NEURL4: variants seen among roughly 807,000 people sequenced by gnomAD.
The protein encoded by NEURL4 is neuralized E3 ubiquitin protein ligase 4, also known as neuralized-like protein 4.
Under a neutral mutation model 148.0 loss-of-function variants are expected in NEURL4, and 45 were observed. The observed-to-expected ratio is 0.30, with a 90% CI of 0.24 to 0.39. The LOEUF is 0.39. Among genes scored for constraint, NEURL4 ranks in the 10% least tolerant of loss-of-function variants. The pLI is 1.00. For synonymous variants in NEURL4, 854 were observed against 869.0 expected, an observed-to-expected ratio of 0.98 and a Z score of 0.30; for missense variants, 1,776 against 2,144.0, an observed-to-expected ratio of 0.83 and a Z score of 3.39.
rs935993709 is a variant in NEURL4 at position 7,316,003 on chromosome 17, G to A, written c.*120C>T. The A allele has an allele frequency of 5.7e-5, 40 of 698,812 alleles. No homozygotes were observed. The highest frequency in any genetic ancestry group is 9.0e-5 in the Non-Finnish European group (34 of 379,350). The allele number at this position is 698,812 out of a possible 1,614,324, so 43.3% of individuals were successfully genotyped here. A position where few individuals can be genotyped will look rare whatever the true frequency, so the allele number is the denominator to read the frequency against. On this transcript the variant is annotated 3_prime_UTR_variant, in exon 29 of 29. Coordinates refer to ENST00000399464, the MANE Select transcript of NEURL4 (RefSeq NM_032442.3). ...AGAGCCTGCCTACATGCTCCTGCGC[G>A]GCTGCCAAGCTCCAGCACCTGCGCA... is the stretch of plus-strand genomic sequence containing the variant.
At position 7,324,279 on chromosome 17, in the gene NEURL4, A is replaced by G; in HGVS notation, c.1900-9T>C. 1.9e-6 allele frequency: 3 copies of G among 1,613,820 alleles called. No individual in the cohort carries two copies. The South Asian group carries it at 3.3e-5, about 18-fold the overall frequency. ...CCCACCGTGTCCCCTGCCTTGGAAG[A>G]AGGGGGTGCTGGAGTGAGGAGTCAG... On this transcript the variant is annotated splice_polypyrimidine_tract_variant and intron_variant, in intron 10 of 28. Coordinates refer to ENST00000399464, the MANE Select transcript of NEURL4 (RefSeq NM_032442.3). This position sits in a 1 kb window ranked among gnomAD's most constrained non-coding sequence, Gnocchi z 5.9.
Position 7,317,343 on chromosome 17 carries a change from G to A in NEURL4, c.4346C>T (p.Pro1449Leu). The A allele has an allele frequency of 1.3e-6, 2 of 1,553,008 alleles. No homozygotes were observed. The highest frequency in any genetic ancestry group is 2.3e-5 in the East Asian group (1 of 44,328). The change falls in exon 28 of 29, where the codon CCT becomes CTT. Residue 1449 changes from proline (P) to leucine (L), a missense_variant. Transcript: ENST00000399464. ...AGTASILSCR[P>L]LKGEPGVGFE... is the part of the protein sequence containing the mutation. ...CCCTACCCCAGGTTCTCCCTTCAAAGGACGGCAGCTCAGGATGGAGGCAGT... is the reference window on the plus strand; with the variant it reads ...CCCTACCCCAGGTTCTCCCTTCAAAAGACGGCAGCTCAGGATGGAGGCAGT...
Position 7,321,335 on chromosome 17 carries a change from G to C in NEURL4, c.3198+26C>G, listed in dbSNP as rs1231848036. ...GCAGAAGACCTCAACCATCCTCCCA[G>C]AACCCAAGGAAGCGTTCAGGTCTAC... On this transcript the variant is annotated intron_variant, in intron 19 of 28. Coordinates refer to ENST00000399464, the MANE Select transcript of NEURL4 (RefSeq NM_032442.3). This position sits in a 1 kb window ranked among gnomAD's most constrained non-coding sequence, Gnocchi z 6.3. The C allele has an allele frequency of 1.2e-6, 2 of 1,613,720 alleles. No homozygotes were observed. The highest frequency in any genetic ancestry group is 2.7e-5 in the African/African-American group (2 of 74,858).
chr17:7,321,596 C>T lies in NEURL4; in HGVS notation c.3063G>A (p.Gln1021=). ...CTAGGTTCCGGCCATAGTTCATCCTCTGGAGCTGCCCATCACGCCTCACTT... is the reference window on the plus strand; with the variant it reads ...CTAGGTTCCGGCCATAGTTCATCCTTTGGAGCTGCCCATCACGCCTCACTT... The part of the protein sequence containing the change: ...SCEVRRDGQL[Q]RMNYGRNLER... Residue 1021 remains glutamine (Q), a synonymous_variant, in exon 18 of 29, where the codon CAG becomes CAA. Coordinates refer to ENST00000399464, the MANE Select transcript of NEURL4 (RefSeq NM_032442.3). This position sits in a 1 kb window ranked among gnomAD's most constrained non-coding sequence, Gnocchi z 6.3. 1 of 1,614,144 alleles carries T rather than the reference C, an allele frequency of 6.2e-7. No individual in the cohort carries two copies. Among genetic ancestry groups the T allele is most frequent in the Non-Finnish European group, 8.5e-7 (1 of 1,180,028 alleles).
Position 7,316,048 on chromosome 17 carries a change from G to A in NEURL4, c.*75C>T. 1 of 829,950 alleles carries A rather than the reference G, an allele frequency of 1.2e-6. No homozygotes were observed. The highest frequency in any genetic ancestry group is 2.1e-6 in the Non-Finnish European group (1 of 469,084). The allele number at this position is 829,950 out of a possible 1,614,324, so 51.4% of individuals were successfully genotyped here. ...TGCGCATGCCACGAGTCACGGGAATGAGGTGGAGGCAGTCGCCACTCAGAG... is the reference window on the plus strand; with the variant it reads ...TGCGCATGCCACGAGTCACGGGAATAAGGTGGAGGCAGTCGCCACTCAGAG... On this transcript the variant is annotated 3_prime_UTR_variant, in exon 29 of 29. Transcript: ENST00000399464.
intron 21 of NEURL4, 114 bp from the exon 22 acceptor site, chr17:7,319,322 TTTC>T: frequency 2.7e-6 from 2 of 742,668 alleles, no homozygotes; most frequent in Non-Finnish European, 4.1e-6. Flanking sequence ...GATGCTGCCT[TTTC>T]TTATGCTTGG....
In NEURL4 at chr17:7,316,121, C is replaced by T. The variant is rs1029236155; in HGVS notation, c.*2G>A. On this transcript the variant is annotated 3_prime_UTR_variant, in exon 29 of 29. Coordinates refer to ENST00000399464, the MANE Select transcript of NEURL4 (RefSeq NM_032442.3). ...GTGCTTGTAGTAGTGGTGTCTCACC[C>T]CTCATTCCACCCGTACCAGCAGGGC... 1.4e-6 allele frequency: 2 copies of T among 1,453,570 alleles called. No homozygotes were observed. The highest frequency in any genetic ancestry group is 1.9e-6 in the Non-Finnish European group (2 of 1,033,418). The allele number at this position is 1,453,570 out of a possible 1,614,324, so 90.0% of individuals were successfully genotyped here.
At position 7,327,743 on chromosome 17, in the gene NEURL4, C is replaced by T. The variant is rs1352561521; in HGVS notation, c.424G>A (p.Val142Met). The T allele has an allele frequency of 1.9e-6, 3 of 1,614,152 alleles. No homozygotes were observed. The highest frequency in any genetic ancestry group is 2.5e-6 in the Non-Finnish European group (3 of 1,180,052). Residue 142 changes from valine to methionine, a missense_variant, in exon 2 of 29, where the codon GTG (valine) becomes ATG (methionine). Coordinates refer to ENST00000399464, the MANE Select transcript of NEURL4 (RefSeq NM_032442.3). The surrounding 1 kb of genome is among the most constrained non-coding windows in gnomAD (Gnocchi z 6.6). ...GCSVLRDGRS[V>M]LEEYGQDLDQ... is the part of the protein sequence containing the mutation. ...AGGTCCTGACCATACTCCTCCAACA[C>T]AGAGCGTCCATCTCTCAGCACAGAG...
At chr17:7,316,507 T>G (rs1242567237) in intron 28 of NEURL4, among the ~76,000 whole-genome samples, 180 bp from the exon 29 acceptor site, 1 of 152,252 alleles carries the variant, frequency 6.6e-6, no homozygotes, top group African/African-American at 2.4e-5. Flanking sequence ...AGCTACACCC[T>G]TCACTTCCTT....
intron 25 of NEURL4, 23 bp from the exon 26 acceptor site, chr17:7,317,955 C>G: frequency 1.2e-6 from 2 of 1,613,964 alleles, no homozygotes; most frequent in South Asian, 1.1e-5. Flanking sequence ...GAGTAGCAGG[C>G]TTGGTGCTGT....
chr17:7,321,000 T>C (rs3809811), intron 20 of NEURL4, 77 bp from the exon 21 acceptor site: 868,259 of 1,594,468 alleles, frequency 0.54, 239,155 homozygotes, highest in East Asian at 0.67. Flanking sequence ...TTTGCACAGA[T>C]CCTGAGTGTG....
At chr17:7,316,493 G>T (rs1418859477) in intron 28 of NEURL4, among the ~76,000 whole-genome samples, 166 bp from the exon 29 acceptor site, 1 of 152,148 alleles carries the variant, frequency 6.6e-6, no homozygotes, top group Non-Finnish European at 1.5e-5. Flanking sequence ...CCCAAAGCCT[G>T]CTCAGCTACA....
Position 7,324,178 on chromosome 17 carries a change from C to T in NEURL4, c.1992G>A (p.Val664=). Residue 664 remains valine (V), a synonymous_variant, in exon 11 of 29, where the codon GTG becomes GTA. Transcript: ENST00000399464. The surrounding 1 kb of genome is among the most constrained non-coding windows in gnomAD (Gnocchi z 5.9). Reference sequence around the variant, plus strand: ...CGACGACAGCATAGACGCCCGGGGGCACGTTCCAGGCAGCAGGGCCCTGAG... The same window carrying T: ...CGACGACAGCATAGACGCCCGGGGGTACGTTCCAGGCAGCAGGGCCCTGAG... ...GMTQGPAAWN[V]PPGVYAVVDL... 6.2e-7 allele frequency: 1 copy of T among 1,613,772 alleles called. No individual in the cohort carries two copies. The highest frequency in any genetic ancestry group is 8.5e-7 in the Non-Finnish European group (1 of 1,180,018).
rs199811030 is a variant in NEURL4 at position 7,318,140 on chromosome 17, G to T, written c.3985C>A (p.Pro1329Thr). The part of the protein sequence containing the change: ...IKESVCWGPP[P>T]AASPLKSCEY... Reference sequence around the variant, plus strand: ...CAGCTCTTTAGAGGACTAGCGGCAGGTGGTGGACCCCAGCACACACTCTCT... The same window carrying T: ...CAGCTCTTTAGAGGACTAGCGGCAGTTGGTGGACCCCAGCACACACTCTCT... Residue 1329 changes from proline (P) to threonine (T), a missense_variant, in exon 25 of 29, where the codon CCT becomes ACT. By Grantham distance (38) the Pro-to-Thr change is conservative (BLOSUM62 -1). Coordinates refer to ENST00000399464, the MANE Select transcript of NEURL4 (RefSeq NM_032442.3). This position sits in a 1 kb window ranked among gnomAD's most constrained non-coding sequence, Gnocchi z 4.3. The T allele has an allele frequency of 4.7e-4, 762 of 1,614,164 alleles. 4 individuals carry two copies. The African/African-American group carries it at 9.4e-3, about 20-fold the overall frequency.
chr17:7,323,811 G>A lies in NEURL4; in HGVS notation c.2261+3C>T, dbSNP rs777680424. Reference sequence around the variant, plus strand: ...GTGGGGACATGAAAGTTGAGAGACTGACCGGTTGGAGATGACGATGGCGTC... The same window carrying A: ...GTGGGGACATGAAAGTTGAGAGACTAACCGGTTGGAGATGACGATGGCGTC... On this transcript the variant is annotated splice_donor_region_variant and intron_variant, in intron 12 of 28. Coordinates refer to ENST00000399464, the MANE Select transcript of NEURL4 (RefSeq NM_032442.3). The A allele has an allele frequency of 6.2e-7, 1 of 1,614,134 alleles. No individual in the cohort carries two copies.
rs1383288411 is a variant in NEURL4 at position 7,329,087 on chromosome 17, A to T, written c.226T>A (p.Leu76Met). The T allele has an allele frequency of 1.9e-6, 3 of 1,609,544 alleles. No individual in the cohort carries two copies. The highest frequency in any genetic ancestry group is 2.7e-5 in the African/African-American group (2 of 74,776). ...PGQEFNHGLV[L>M]SREPLRDGRV... ...CCATCGCGCAAGGGTTCTCGGCTCA[A>T]CACCAGCCCGTGGTTAAACTCCTGG... is the stretch of plus-strand genomic sequence containing the variant. Residue 76 changes from leucine to methionine, a missense_variant, in exon 1 of 29, where the codon TTG (leucine) becomes ATG (methionine). Transcript: ENST00000399464.
chr17:7,325,144 T>TTGGGGGGGGGGGGGGG, intron 8 of NEURL4, 65 bp downstream of exon 8: 64 of 956,420 alleles, frequency 6.7e-5, no homozygotes, highest in Middle Eastern at 3.3e-4. Flanking sequence ...TCCACTTCCT[T>TTGGGGGGGGGGGGGGG]GCCCCGCCCC....
At chr17:7,317,688 A>AG in intron 26 of NEURL4, 100 bp downstream of exon 26, 1 of 1,574,652 alleles carries the variant, frequency 6.4e-7, no homozygotes, top group Non-Finnish European at 8.7e-7. Context: ...GCTTTTCCTT[A>AG]GACAGGAAGT....
Position 7,324,244 on chromosome 17 carries a change from C to T in NEURL4, c.1926G>A (p.Arg642=), listed in dbSNP as rs1436323442. ...LKAGDTVGVV[R]REDGTLHFFV... ...AGAAGTGGAGAGTCCCGTCCTCCCG[C>T]CGTACCACGCCCACCGTGTCCCCTG... The change falls in exon 11 of 29, where the codon CGG becomes CGA. Residue 642 remains arginine (R), a synonymous_variant. Transcript: ENST00000399464. This position sits in a 1 kb window ranked among gnomAD's most constrained non-coding sequence, Gnocchi z 5.9. 6.2e-7 allele frequency: 1 copy of T among 1,613,914 alleles called. No homozygotes were observed.
Sources: gnomAD v4.1 joint callset for allele counts (sites outside exome capture counted in the v4.1 genomes callset) on GRCh38, gnomAD v4.1.1 for gene constraint, Gnocchi (gnomAD v3.1) non-coding constraint, MANE v1.5 for transcripts, NCBI Gene and HGNC (gene_info 2026-07-23, HGNC 2026-07-21) for gene names.